Variants in TTN observed in about 807,000 individuals in gnomAD.
TTN encodes connectin.
TTN carries 1,525 observed loss-of-function variants against 3,223.0 expected under a neutral mutation model. That is an observed-to-expected ratio of 0.47 (90% CI 0.45 to 0.49). The LOEUF is 0.49. Ranked by LOEUF, TTN falls within the 20% of genes least tolerant of loss-of-function variation. TTN has a pLI of 0.00. For synonymous variants in TTN, 14,094 were observed against 15,161.0 expected (o/e 0.93, Z 5.17); for missense variants, 40,786 against 43,424.0 (o/e 0.94, Z 5.40).
rs794729586 is a variant in TTN at position 178,764,640 on chromosome 2, T to C, written c.9875A>G (p.Gln3292Arg). The change falls in exon 42 of 363, where the codon CAA becomes CGA. Residue 3292 changes from glutamine (Q) to arginine (R), a missense_variant. Physicochemically the swap from Gln to Arg is conservative, Grantham distance 43. Transcript: ENST00000589042. ...GFKCKFLHDG[Q>R]EYTLLLIEAF... ...TTCAATTAGCAAAAGCGTGTATTCT[T>C]GCCCATCATGAAGAAATTTGCACTT... 1.9e-6 allele frequency: 3 copies of C among 1,614,082 alleles called. No individual in the cohort carries two copies. The highest frequency in any genetic ancestry group is 2.5e-6 in the Non-Finnish European group (3 of 1,179,986).
At position 178,734,441 on chromosome 2, in the gene TTN, G is replaced by A. The variant is rs750710170; in HGVS notation, c.15383C>T (p.Ser5128Phe). Residue 5128 changes from serine (S) to phenylalanine (F), a missense_variant, in exon 52 of 363, where the codon TCT becomes TTT. By Grantham distance (155) the Ser-to-Phe change is radical. Coordinates refer to ENST00000589042, the MANE Select transcript of TTN (RefSeq NM_001267550.2). ...SKKYRLFSQK[S>F]LVCLEIFSFN... is the part of the protein sequence containing the mutation. ...CGAAAAGATCTCCAGACACACAAGA[G>A]ACTTCTGAGAAAACAATCTGTATTT... 4.3e-6 allele frequency: 7 copies of A among 1,613,554 alleles called. No homozygotes were observed. In the Admixed American group the frequency reaches 1.2e-4, roughly 27 times the overall value.
In TTN at chr2:178,794,908, C is replaced by T. The variant is rs1206760214; in HGVS notation, c.1245+14G>A. ...AATGTGAAATAAGGAAAAACAAAAC[C>T]ATTCTGACAGTACCTCTTTAGCACC... On this transcript the variant is annotated intron_variant, in intron 7 of 362. Coordinates refer to ENST00000589042, the MANE Select transcript of TTN (RefSeq NM_001267550.2). 1.9e-6 allele frequency: 3 copies of T among 1,600,282 alleles called. No individual in the cohort carries two copies. Among genetic ancestry groups the T allele is most frequent in the Non-Finnish European group, 2.5e-6 (3 of 1,179,848 alleles).
chr2:178,740,380 C>T lies in TTN; in HGVS notation c.12853G>A (p.Val4285Ile). Reference sequence around the variant, plus strand: ...GAAGGGACTAGGGGCTCATAGTTTACCTGAGAGATCATGACATCAGGACTC... The same window carrying T: ...GAAGGGACTAGGGGCTCATAGTTTATCTGAGAGATCATGACATCAGGACTC... ...LQSPDVMISQ[V>I]NYEPLVPSEH... The change falls in exon 48 of 363, where the codon GTA becomes ATA. Residue 4285 changes from valine to isoleucine, a missense_variant. Transcript: ENST00000589042. 1 of 1,613,418 alleles carries T rather than the reference C, an allele frequency of 6.2e-7. No homozygotes were observed. Among genetic ancestry groups the T allele is most frequent in the Non-Finnish European group, 8.5e-7 (1 of 1,179,668 alleles).
chr2:178,550,387 G>A (rs886988597), intron 336 of TTN, 114 bp from the exon 337 acceptor site: 1 of 835,050 alleles, frequency 1.2e-6, no homozygotes, highest in Non-Finnish European at 1.8e-6. Flanking sequence ...GACTTCTACT[G>A]TGCTACCAAA....
At chr2:178,803,550 G>C (rs1158126247) in intron 2 of TTN, among the ~76,000 whole-genome samples, 2 of 151,400 alleles carry the variant, frequency 1.3e-5, no homozygotes, top group African/African-American at 4.9e-5. Context: ...CAATGTAAAA[G>C]AAAGTATTAT....
In TTN at chr2:178,553,162, G is replaced by C; in HGVS notation, c.89738C>G (p.Thr29913Arg). The change falls in exon 335 of 363, where the codon ACA (threonine) becomes AGA (arginine). Residue 29913 changes from threonine (T) to arginine (R), a missense_variant. Transcript: ENST00000589042. ...TRNDTGKYILTIENGVGEPKS... is the reference protein window; with the variant it reads ...TRNDTGKYILRIENGVGEPKS... ...AGGTTCACCAACTCCATTTTCTATTGTGAGAATATATTTTCCTGTATCATT... is the reference window on the plus strand; with the variant it reads ...AGGTTCACCAACTCCATTTTCTATTCTGAGAATATATTTTCCTGTATCATT... 1.2e-6 allele frequency: 2 copies of C among 1,613,550 alleles called. No homozygotes were observed. Among genetic ancestry groups the C allele is most frequent in the South Asian group, 2.2e-5 (2 of 91,066 alleles).
At chr2:178,579,482 A>C in intron 319 of TTN, 79 bp downstream of exon 319, 1 of 1,571,692 alleles carries the variant, frequency 6.4e-7, no homozygotes. Context: ...GGATTTTTAG[A>C]TAAGCTAGTG....
Position 178,549,260 on chromosome 2 carries a change from T to G in TTN, c.92366A>C (p.Asn30789Thr), listed in dbSNP as rs767252340. 7.4e-6 allele frequency: 12 copies of G among 1,613,942 alleles called. No individual in the cohort carries two copies. The highest frequency in any genetic ancestry group is 1.0e-5 in the Non-Finnish European group (12 of 1,179,852). ...AGCCATGACATGGAATTCATACTCA[T>G]TGCCTTCTGTCAGACCAGTGACTTT... ...RFKVTGLTEG[N>T]EYEFHVMAEN... Residue 30789 changes from asparagine (N) to threonine (T), a missense_variant, in exon 339 of 363, where the codon AAT becomes ACT. Coordinates refer to ENST00000589042, the MANE Select transcript of TTN (RefSeq NM_001267550.2).
Position 178,739,350 on chromosome 2 carries a change from G to T in TTN, c.13883C>A (p.Ser4628Tyr), listed in dbSNP as rs794729602. 1.9e-6 allele frequency: 3 copies of T among 1,613,648 alleles called. No individual in the cohort carries two copies. Among genetic ancestry groups the T allele is most frequent in the Non-Finnish European group, 2.5e-6 (3 of 1,179,814 alleles). The change falls in exon 48 of 363, where the codon TCC (serine) becomes TAC (tyrosine). Residue 4628 changes from serine (S) to tyrosine (Y), a missense_variant. By Grantham distance (144) the Ser-to-Tyr change is moderately radical. Coordinates refer to ENST00000589042, the MANE Select transcript of TTN (RefSeq NM_001267550.2). The part of the protein sequence containing the change: ...EEGDIVHLTT[S>Y]ITNAKEVNWY... The stretch of plus-strand genomic sequence containing the variant: ...ATTCACCTCTTTAGCATTTGTTATG[G>T]ATGTTGTGAGGTGTACAATATCACC...
At chr2:178,665,602 G>T in intron 164 of TTN, 106 bp downstream of exon 164, 1 of 1,238,118 alleles carries the variant, frequency 8.1e-7, no homozygotes, top group South Asian at 1.5e-5. Flanking sequence ...TTGAGGAGAG[G>T]AACCACATAT....
In TTN at chr2:178,568,319, C is replaced by T; in HGVS notation, c.77813G>A (p.Trp25938Ter). 1 of 1,613,438 alleles carries T rather than the reference C, an allele frequency of 6.2e-7. No individual in the cohort carries two copies. Among genetic ancestry groups the T allele is most frequent in the Non-Finnish European group, 8.5e-7 (1 of 1,179,624 alleles). The change falls in exon 326 of 363, where the codon TGG becomes TAG. Residue 25938 changes from tryptophan (W) to a stop codon, truncating the protein, a stop_gained. Coordinates refer to ENST00000589042, the MANE Select transcript of TTN (RefSeq NM_001267550.2). LOFTEE classifies it high-confidence loss of function. The part of the protein sequence containing the change: ...VQKRDTTTTV[W>*]DVVSATVART... ...AGCAACAGTAGCAGAAACAACATCC[C>T]ATACTGTGGTGGTTGTATCTCTTTT...
intron 344 of TTN, among the ~76,000 whole-genome samples, chr2:178,544,875 A>G (rs1356974566): frequency 6.6e-6 from 1 of 152,180 alleles, no homozygotes; most frequent in Non-Finnish European, 1.5e-5. Flanking sequence ...TTTCTAATGA[A>G]TACAAGAATT....
At position 178,720,278 on chromosome 2, in the gene TTN, TTTGTGG is replaced by T; in HGVS notation, c.23378-20_23378-15del. On this transcript the variant is annotated splice_polypyrimidine_tract_variant and intron_variant, in intron 80 of 362. Coordinates refer to ENST00000589042, the MANE Select transcript of TTN (RefSeq NM_001267550.2). ...ATCGTGGAGGTTCTGATGAAAGAAA[TTTGTGG>T]TTAGAGGAAAAAATGTGAGAATCAT... is the stretch of plus-strand genomic sequence containing the variant. 6.2e-7 allele frequency: 1 copy of T among 1,601,144 alleles called. No homozygotes were observed. Among genetic ancestry groups the T allele is most frequent in the Admixed American group, 1.7e-5 (1 of 58,800 alleles).
chr2:178,731,643 A>C, intron 58 of TTN, 50 bp downstream of exon 58: 1 of 1,570,944 alleles, frequency 6.4e-7, no homozygotes, highest in Non-Finnish European at 8.6e-7. Context: ...GCTTAAAAAA[A>C]AGAATTGACT....
chr2:178,714,593 G>T lies in TTN; in HGVS notation c.26201-20C>A, dbSNP rs761178461. 1.3e-5 allele frequency: 21 copies of T among 1,562,708 alleles called. No individual in the cohort carries two copies. The highest frequency in any genetic ancestry group is 2.6e-6 in the Non-Finnish European group (3 of 1,157,568). Reference sequence around the variant, plus strand: ...GTGGTGCTGATGAAAAAGGAGGAAAGCCTGGGTTTTAAAATTTGTGAGACT... The same window carrying T: ...GTGGTGCTGATGAAAAAGGAGGAAATCCTGGGTTTTAAAATTTGTGAGACT... On this transcript the variant is annotated intron_variant, in intron 90 of 362. Coordinates refer to ENST00000589042, the MANE Select transcript of TTN (RefSeq NM_001267550.2).
chr2:178,600,953 C>T lies in TTN; in HGVS notation c.55951G>A (p.Glu18651Lys). 1 of 1,613,048 alleles carries T rather than the reference C, an allele frequency of 6.2e-7. No individual in the cohort carries two copies. Among genetic ancestry groups the T allele is most frequent in the African/African-American group, 1.3e-5 (1 of 74,988 alleles). The change falls in exon 288 of 363, where the codon GAG becomes AAG. Residue 18651 changes from glutamate to lysine, a missense_variant. Physicochemically the swap from Glu to Lys is moderately conservative, Grantham distance 56. Coordinates refer to ENST00000589042, the MANE Select transcript of TTN (RefSeq NM_001267550.2). ...ELQFTVEDLV[E>K]GGEYEFRVKA... is the part of the protein sequence containing the mutation. ...ACTCGGAATTCATATTCCCCACCCT[C>T]TACTAGGTCTTCAACAGTAAATTGC...
In TTN at chr2:178,539,142, G is replaced by T. The variant is rs542349170; in HGVS notation, c.98793C>A (p.Gly32931=). 2.5e-6 allele frequency: 4 copies of T among 1,613,790 alleles called. No individual in the cohort carries two copies. Among genetic ancestry groups the T allele is most frequent in the African/African-American group, 2.7e-5 (2 of 75,028 alleles). Residue 32931 remains glycine (G), a synonymous_variant, in exon 353 of 363, where the codon GGC becomes GGA. Transcript: ENST00000589042. ...PKDDGGSRVT[G]YYIERKETST... ...ATGTCTCTTTGCGTTCGATGTAGTA[G>T]CCTGTGACTCTAGAACCACCATCAT... is the stretch of plus-strand genomic sequence containing the variant.
At chr2:178,742,197 C>G (rs1574105555) in intron 47 of TTN, among the ~76,000 whole-genome samples, 1 of 151,968 alleles carries the variant, frequency 6.6e-6, no homozygotes, top group East Asian at 1.9e-4. Context: ...ATGAGTTTTT[C>G]TTGAGATATA....
rs2154277347 is a variant in TTN at position 178,688,208 on chromosome 2, T to C, written c.32214A>G (p.Glu10738=). The C allele has an allele frequency of 1.9e-6, 3 of 1,612,720 alleles. No individual in the cohort carries two copies. The highest frequency in any genetic ancestry group is 8.5e-7 in the Non-Finnish European group (1 of 1,179,684). Residue 10738 remains glutamate, a synonymous_variant, in exon 127 of 363, where the codon GAA becomes GAG. Coordinates refer to ENST00000589042, the MANE Select transcript of TTN (RefSeq NM_001267550.2). ...CTTCCTCCTCTTCTGAGTAACTCCA[T>C]TCCTCCTCTGCAGATACTTTAAAAG... ...VTRHEVSAEE[E]WSYSEEEEGV...
Sources: gnomAD v4.1 joint callset for allele counts (sites outside exome capture counted in the v4.1 genomes callset) on GRCh38, gnomAD v4.1.1 for gene constraint, MANE v1.5 for transcripts, NCBI Gene and HGNC (gene_info 2026-07-23, HGNC 2026-07-21) for gene names.